Variants in SREK1 observed in about 807,000 individuals in gnomAD.
SREK1 encodes the protein splicing regulatory glutamine/lysine-rich protein 1.
In SREK1, 13 loss-of-function variants were observed where a neutral mutation model predicts 66.5. That is an observed-to-expected ratio of 0.20 (90% CI 0.13 to 0.31). The LOEUF (loss-of-function observed/expected upper bound fraction) is 0.31. SREK1 is among the 10% of genes least tolerant of loss of function. The probability of loss-of-function intolerance (pLI) is 1.00; values close to 1 mark genes in which losing one functional copy is unlikely to be tolerated. For missense variants in SREK1, 607 were observed against 769.6 expected, an observed-to-expected ratio of 0.79 and a Z score of 2.50; for synonymous variants, 265 against 263.5, an observed-to-expected ratio of 1.01 and a Z score of -0.05.
chr5:66,153,318 T>C (rs1744006887), intron 1 of SREK1, 145 bp from the exon 2 acceptor site: 5 of 1,003,732 alleles, frequency 5.0e-6, no homozygotes, highest in African/African-American at 1.6e-5. Context: ...TTCACTGTTT[T>C]ATGTGTTAAT....
chr5:66,163,215 G>A (rs1012538460), intron 5 of SREK1: 1 of 152,304 alleles, frequency 6.6e-6, no homozygotes, highest in African/African-American at 2.4e-5. Context: ...TTTTTAGTGG[G>A]TACTTGTCTT....
intron 3 of SREK1, 96 bp downstream of exon 3, chr5:66,159,430 CTT>C (rs34136434): frequency 9.4e-3 from 5,732 of 608,766 alleles, no homozygotes; most frequent in South Asian, 0.013. Context: ...GGATCTTCTT[CTT>C]TTTTTTTTTT....
chr5:66,146,002 A>G (rs1743161695), intron 1 of SREK1, among the ~76,000 whole-genome samples: 1 of 151,906 alleles, frequency 6.6e-6, no homozygotes, highest in South Asian at 2.1e-4. Flanking sequence ...GTGTATATAT[A>G]TATCTTTATA....
At chr5:66,164,756 C>A in intron 6 of SREK1, 27 bp from the exon 7 acceptor site, 2 of 1,613,696 alleles carry the variant, frequency 1.2e-6, no homozygotes, top group East Asian at 2.2e-5. Context: ...TCTGAGCTTA[C>A]ACTGCAAAGT....
rs1421329125 is a variant in SREK1, at chr5:66,170,847, G to A, written c.1384G>A (p.Asp462Asn). 1.5e-5 allele frequency: 25 copies of A among 1,613,620 alleles called. No individual in the cohort carries two copies. Among genetic ancestry groups the A allele is most frequent in the Non-Finnish European group, 1.8e-5 (21 of 1,179,922 alleles). The change falls in exon 9 of 12, where the codon GAC (aspartate) becomes AAC (asparagine). Residue 462 changes from aspartate to asparagine, a missense_variant. Physicochemically the swap from Asp to Asn is conservative, Grantham distance 23. Around this residue, in one of 5 missense-constraint regions of SREK1, gnomAD observed 318 missense variants for 310.3 expected, o/e 1.02. Coordinates refer to ENST00000334121, the MANE Select transcript of SREK1 (RefSeq NM_001077199.3). ...GGACAAAGAAAAGGAACGAGAAAAAGACAGATCCAAAGAGATAGATGAAAA... is the reference window on the plus strand; with the variant it reads ...GGACAAAGAAAAGGAACGAGAAAAAAACAGATCCAAAGAGATAGATGAAAA... ...EQDKEKEREK[D>N]RSKEIDEKRK...
intron 9 of SREK1, among the ~76,000 whole-genome samples, chr5:66,174,155 A>G (rs201797160): frequency 1.4e-5 from 2 of 146,302 alleles, no homozygotes; most frequent in Non-Finnish European, 3.0e-5. Flanking sequence ...TCCTCGTACC[A>G]TATCCCTTAA....
chr5:66,160,556 A>G (rs1744671515), intron 3 of SREK1, among the ~76,000 whole-genome samples: 2 of 152,310 alleles, frequency 1.3e-5, no homozygotes, highest in South Asian at 4.1e-4. Flanking sequence ...TAGATAGGAC[A>G]CAGATTATGG....
Position 66,160,650 on chromosome 5 carries a change from T to C in SREK1, c.411+1316T>C, listed in dbSNP as rs1744679426. The stretch of plus-strand genomic sequence containing the variant: ...ACCATTGATGGGTTTTAAGCAGGGA[T>C]ATGACATGATTTGACATGTTTTAAA... On this transcript the variant is annotated intron_variant, in intron 3 of 11. Transcript: ENST00000334121. Among the ~76,000 whole-genome samples the C allele has an allele frequency of 2.0e-5, 3 of 152,198 alleles. No individual in the cohort carries two copies. The South Asian group carries it at 6.2e-4, about 32-fold the overall frequency.
At chr5:66,158,614 G>A in intron 2 of SREK1, 2 of 303,382 alleles carry the variant, frequency 6.6e-6, no homozygotes, top group South Asian at 5.8e-5. Context: ...TCTGTTGGAG[G>A]GTTATCAAAA....
At chr5:66,173,643 G>A (rs1280538545) in intron 9 of SREK1, among the ~76,000 whole-genome samples, 1 of 152,178 alleles carries the variant, frequency 6.6e-6, no homozygotes, top group Non-Finnish European at 1.5e-5. Context: ...TCGTCAGCTA[G>A]TAGGTATTAG....
intron 1 of SREK1, among the ~76,000 whole-genome samples, chr5:66,145,701 T>C (rs1580606857): frequency 6.6e-6 from 1 of 151,204 alleles, no homozygotes; most frequent in African/African-American, 2.4e-5. Context: ...TACGAGCATT[T>C]TGTCTGTTTT....
chr5:66,178,744 A>G lies in SREK1; in HGVS notation c.1751A>G (p.Asp584Gly). Residue 584 changes from aspartate to glycine, a missense_variant, in exon 12 of 12, where the codon GAT becomes GGT. Coordinates refer to ENST00000334121, the MANE Select transcript of SREK1 (RefSeq NM_001077199.3). Reference sequence around the variant, plus strand: ...GAGAAAGAGCACAATAAAGAACCAGATTCAAGTGTGAGCAAAGAAGTAGAT... The same window carrying G: ...GAGAAAGAGCACAATAAAGAACCAGGTTCAAGTGTGAGCAAAGAAGTAGAT... ...LKEKEHNKEP[D>G]SSVSKEVDDK... is the part of the protein sequence containing the mutation. 1.2e-6 allele frequency: 2 copies of G among 1,612,154 alleles called. No homozygotes were observed. Among genetic ancestry groups the G allele is most frequent in the Non-Finnish European group, 1.7e-6 (2 of 1,178,668 alleles).
At chr5:66,156,484 G>A (rs1744295840) in intron 2 of SREK1, 1 of 1,005,946 alleles carries the variant, frequency 9.9e-7, no homozygotes, top group Non-Finnish European at 1.2e-6. Context: ...TAATTTGTGT[G>A]TATGGACTCA....
chr5:66,151,515 G>GGGGA (rs1743805732), intron 1 of SREK1, among the ~76,000 whole-genome samples: 1 of 152,126 alleles, frequency 6.6e-6, no homozygotes, highest in African/African-American at 2.4e-5. Flanking sequence ...ATGGAATGCA[G>GGGGA]GGGACAGAGG....
At position 66,156,323 on chromosome 5, in the gene SREK1, T is replaced by C. The variant is rs1344722398; in HGVS notation, c.295+2727T>C. 3.1e-6 allele frequency: 4 copies of C among 1,301,486 alleles called. No individual in the cohort carries two copies. The African/African-American group carries it at 6.2e-5, about 20-fold the overall frequency. 80.6% of individuals were successfully genotyped at this position (1,301,486 alleles called of 1,614,324 possible). ...CTTTCACTTTAACTTGTGAGCTGGT[T>C]TTCCCAGTTCTTTGTAAATGGTATT... is the stretch of plus-strand genomic sequence containing the variant. On this transcript the variant is annotated intron_variant, in intron 2 of 11. Coordinates refer to ENST00000334121, the MANE Select transcript of SREK1 (RefSeq NM_001077199.3).
chr5:66,160,109 G>C (rs575926544), intron 3 of SREK1, among the ~76,000 whole-genome samples: 1 of 151,102 alleles, frequency 6.6e-6, no homozygotes, highest in Non-Finnish European at 1.5e-5. Flanking sequence ...CAGCCTGGGC[G>C]ACAGAGGGAG....
chr5:66,154,126 G>T (rs531651579), intron 2 of SREK1, among the ~76,000 whole-genome samples: 70 of 152,192 alleles, frequency 4.6e-4, no homozygotes, highest in African/African-American at 1.4e-3. Flanking sequence ...GGAATTTAAT[G>T]TTTTCTTTTA....
chr5:66,176,207 G>C (rs1161380685), intron 10 of SREK1, among the ~76,000 whole-genome samples: 1 of 152,046 alleles, frequency 6.6e-6, no homozygotes, highest in Non-Finnish European at 1.5e-5. Flanking sequence ...AGTTTGATAT[G>C]TTGCCTTTGT....
In SREK1 at chr5:66,144,414, T is replaced by G; in HGVS notation, c.38T>G (p.Phe13Cys). The G allele has an allele frequency of 6.4e-7, 1 of 1,551,382 alleles. No individual in the cohort carries two copies. Among genetic ancestry groups the G allele is most frequent in the Non-Finnish European group, 8.7e-7 (1 of 1,146,854 alleles). ...SGGGFGLGLG[F>C]GLTPTSVIQV... ...GGCGGCTTCGGTTTGGGCTTAGGCTTCGGCCTCACCCCCACGTCGGTGATT... is the reference window on the plus strand; with the variant it reads ...GGCGGCTTCGGTTTGGGCTTAGGCTGCGGCCTCACCCCCACGTCGGTGATT... Residue 13 changes from phenylalanine to cysteine, a missense_variant, in exon 1 of 12, where the codon TTC (phenylalanine) becomes TGC (cysteine). Transcript: ENST00000334121.
Sources: gnomAD v4.1 joint callset for allele counts (sites outside exome capture counted in the v4.1 genomes callset) on GRCh38, gnomAD v4.1.1 for gene constraint, gnomAD v4.1.1 regional missense constraint, MANE v1.5 for transcripts, NCBI Gene and HGNC (gene_info 2026-07-23, HGNC 2026-07-21) for gene names.